The following C12orf56 variants were observed in gnomAD, a reference collection of about 807,000 sequenced individuals.
C12orf56 encodes the protein uncharacterized protein C12orf56.
Under a neutral mutation model 69.9 loss-of-function variants are expected in C12orf56, and 71 were observed. The observed-to-expected ratio is 1.02, with a 90% confidence interval of 0.84 to 1.24. The LOEUF is 1.24. C12orf56 is among the 50% of genes most tolerant of loss of function. The pLI is 0.00. For synonymous variants in C12orf56, 276 were observed against 274.1 expected (o/e 1.01, Z -0.07); for missense variants, 732 against 738.5 (o/e 0.99, Z 0.10).
At chr12:64,319,922 GTC>G (rs1189734897) in intron 3 of C12orf56, among the ~76,000 whole-genome samples, 2 of 152,072 alleles carry the variant, frequency 1.3e-5, no homozygotes, top group Non-Finnish European at 2.9e-5. Flanking sequence ...CTGTCTTTTT[GTC>G]TGTTTGTTAC....
intron 12 of C12orf56, among the ~76,000 whole-genome samples, chr12:64,268,143 A>G (rs1377383271): frequency 2.0e-5 from 3 of 152,192 alleles, no homozygotes; most frequent in African/African-American, 7.2e-5. Context: ...GATAATTCCA[A>G]TGCAATGTGA....
intron 9 of C12orf56, among the ~76,000 whole-genome samples, chr12:64,277,153 T>G (rs541660320): frequency 1.6e-4 from 25 of 152,292 alleles, no homozygotes; most frequent in Admixed American, 1.3e-3. Context: ...AGTTGGTTTA[T>G]TCTCTCAGAA....
At chr12:64,300,283 G>T (rs2038426655) in intron 6 of C12orf56, among the ~76,000 whole-genome samples, 1 of 152,102 alleles carries the variant, frequency 6.6e-6, no homozygotes, top group African/African-American at 2.4e-5. Context: ...GAGAGAAGAT[G>T]AAGTGGCGGG....
At chr12:64,333,959 C>T (rs1033585965) in intron 2 of C12orf56, among the ~76,000 whole-genome samples, 1 of 152,162 alleles carries the variant, frequency 6.6e-6, no homozygotes, top group African/African-American at 2.4e-5. Context: ...AGGTGTAAGG[C>T]AATAATGACA....
At chr12:64,355,094 A>G (rs2039292727) in intron 1 of C12orf56, among the ~76,000 whole-genome samples, 1 of 151,298 alleles carries the variant, frequency 6.6e-6, no homozygotes, top group African/African-American at 2.4e-5. Context: ...AAAAAAAAAA[A>G]AAAAAAAAGA....
At chr12:64,273,023 C>T (rs1156956710) in intron 11 of C12orf56, among the ~76,000 whole-genome samples, 1 of 152,170 alleles carries the variant, frequency 6.6e-6, no homozygotes, top group Non-Finnish European at 1.5e-5. Context: ...ACAGGCCGGG[C>T]ACAGTGGCTC....
chr12:64,279,465 G>C (rs1456688608), intron 8 of C12orf56, among the ~76,000 whole-genome samples: 1 of 152,118 alleles, frequency 6.6e-6, no homozygotes, highest in Non-Finnish European at 1.5e-5. Flanking sequence ...TGAGGGGTAG[G>C]AGTAGTAAAA....
intron 1 of C12orf56, 111 bp downstream of exon 1, chr12:64,390,203 G>A: frequency 2.2e-6 from 3 of 1,362,352 alleles, no homozygotes; most frequent in East Asian, 2.5e-5. Context: ...GAGGAGGGGA[G>A]TCGAGGGCAG....
Position 64,335,417 on chromosome 12 carries a change from CAAAAAAAA to C in C12orf56, c.416-4393_416-4386del, listed in dbSNP as rs59759648. ...GGGTGACAGAGTGAGACTTCATCTC[CAAAAAAAA>C]AAAAAAAAAAAAAAGAGCTTTTGCT... On this transcript the variant is annotated intron_variant, in intron 2 of 12. Coordinates refer to ENST00000543942, the MANE Select transcript of C12orf56 (RefSeq NM_001170633.2). Among the ~76,000 whole-genome samples the C allele has an allele frequency of 5.9e-4, 58 of 98,282 alleles. 1 individual carries two copies. The highest frequency in any genetic ancestry group is 1.8e-3 in the African/African-American group (44 of 24,878). The allele number at this position is 98,282 out of a possible 152,430, so 64.5% of individuals were successfully genotyped here.
At chr12:64,377,473 G>A (rs1291053214) in intron 1 of C12orf56, among the ~76,000 whole-genome samples, 2 of 152,146 alleles carry the variant, frequency 1.3e-5, no homozygotes, top group Admixed American at 6.5e-5. Context: ...ACAGGCGTGA[G>A]CCACTGCACC....
chr12:64,343,590 A>G (rs977940919), intron 2 of C12orf56, among the ~76,000 whole-genome samples: 17 of 152,208 alleles, frequency 1.1e-4, no homozygotes, highest in African/African-American at 3.9e-4. Flanking sequence ...AAGCAATGAA[A>G]CCACATCTGG....
chr12:64,314,043 CAAAAAAAAAAAA>C (rs762340003), intron 4 of C12orf56, among the ~76,000 whole-genome samples: 3 of 67,092 alleles, frequency 4.5e-5, no homozygotes, highest in African/African-American at 1.7e-4. Flanking sequence ...AACTCTGTCT[CAAAAAAAAAAAA>C]AAAAAAAAAA....
At chr12:64,312,198 A>G (rs982999022) in intron 5 of C12orf56, among the ~76,000 whole-genome samples, 1 of 152,202 alleles carries the variant, frequency 6.6e-6, no homozygotes, top group Non-Finnish European at 1.5e-5. Flanking sequence ...TAACGTTCCT[A>G]TGAGACATAC....
chr12:64,321,583 C>T (rs1014730016), intron 3 of C12orf56, among the ~76,000 whole-genome samples: 2 of 152,174 alleles, frequency 1.3e-5, no homozygotes, highest in Non-Finnish European at 2.9e-5. Context: ...ATCCACCTGT[C>T]TCCGCCTCCC....
At chr12:64,321,305 C>T (rs1485595783) in intron 3 of C12orf56, among the ~76,000 whole-genome samples, 1 of 152,040 alleles carries the variant, frequency 6.6e-6, no homozygotes, top group East Asian at 1.9e-4. Flanking sequence ...GTTATCTTCT[C>T]TCTCCCATAA....
At chr12:64,328,342 A>G (rs2038870267) in intron 3 of C12orf56, among the ~76,000 whole-genome samples, 1 of 151,654 alleles carries the variant, frequency 6.6e-6, no homozygotes, top group Non-Finnish European at 1.5e-5. Flanking sequence ...AGAATCCTAC[A>G]CTCCCCTCTT....
At chr12:64,369,224 G>A (rs1314142212) in intron 1 of C12orf56, among the ~76,000 whole-genome samples, 2 of 151,388 alleles carry the variant, frequency 1.3e-5, no homozygotes, top group African/African-American at 4.8e-5. Flanking sequence ...TTTAGACGGA[G>A]TTTCATTCTG....
In C12orf56 at chr12:64,390,619, C is replaced by T. The variant is rs2039857913; in HGVS notation, c.-54G>A. 7.1e-7 allele frequency: 1 copy of T among 1,401,310 alleles called. No homozygotes were observed. The highest frequency in any genetic ancestry group is 9.2e-7 in the Non-Finnish European group (1 of 1,086,846). The allele number at this position is 1,401,310 out of a possible 1,614,324, so 86.8% of individuals were successfully genotyped here. ...TGGGACTCGAGGCCCTCAGCTCGCC[C>T]TCTCCCCGCCCCCGCGCTGGAACCC... On this transcript the variant is annotated 5_prime_UTR_variant, in exon 1 of 13. Transcript: ENST00000543942.
chr12:64,351,389 A>G (rs1283334482), intron 2 of C12orf56, among the ~76,000 whole-genome samples: 2 of 152,186 alleles, frequency 1.3e-5, no homozygotes, highest in Non-Finnish European at 2.9e-5. Flanking sequence ...AAGCCCTAGG[A>G]AAGAAAGCAG....
Sources: allele counts gnomAD v4.1 joint callset (sites outside exome capture counted in the v4.1 genomes callset), GRCh38; gene constraint gnomAD v4.1.1; transcripts MANE v1.5; gene names NCBI Gene and HGNC (gene_info 2026-07-23, HGNC 2026-07-21).